ARFGEF1: variants seen among roughly 807,000 people sequenced by gnomAD.
ARFGEF1 encodes ARF guanine nucleotide exchange factor 1.
ARFGEF1 carries 42 observed loss-of-function variants against 231.0 expected under a neutral mutation model. The observed-to-expected ratio is 0.18, with a 90% CI of 0.14 to 0.24. ARFGEF1 has a LOEUF of 0.24. Ranked by LOEUF, ARFGEF1 falls within the 10% of genes least tolerant of loss-of-function variation. ARFGEF1 has a pLI of 1.00. For missense variants in ARFGEF1, 1,345 were observed against 2,192.0 expected (o/e 0.61, Z 7.72); for synonymous variants, 710 against 732.3 (o/e 0.97, Z 0.49).
At chr8:67,200,323 CG>C (rs1461706514) in intron 38 of ARFGEF1, 72 bp downstream of exon 38, 6 of 1,063,906 alleles carry the variant, frequency 5.6e-6, no homozygotes, top group Non-Finnish European at 7.3e-6. Flanking sequence ...TCTTGCACGG[CG>C]GCTCTGGGAC....
At chr8:67,195,492 C>T (rs1287202578), downstream of ARFGEF1, 23 of 1,614,082 alleles carry the variant, frequency 1.4e-5, no homozygotes, top group African/African-American at 2.7e-5. Context: ...TTCAGAAACG[C>T]TGAAACGTTT....
intron 1 of ARFGEF1, among the ~76,000 whole-genome samples, chr8:67,331,129 TAATACA>T (rs1394749661): frequency 1.3e-5 from 2 of 152,178 alleles, no homozygotes; most frequent in African/African-American, 2.4e-5. Context: ...AGTACTATAC[TAATACA>T]AATTGAAAAT....
At chr8:67,333,480 T>G (rs1197719613) in intron 1 of ARFGEF1, among the ~76,000 whole-genome samples, 1 of 151,956 alleles carries the variant, frequency 6.6e-6, no homozygotes, top group Non-Finnish European at 1.5e-5. Context: ...TAATTTTTTT[T>G]TTTTAGTATT....
chr8:67,318,678 A>T (rs926279854), intron 1 of ARFGEF1, among the ~76,000 whole-genome samples: 5 of 152,296 alleles, frequency 3.3e-5, no homozygotes, highest in Non-Finnish European at 5.9e-5. Context: ...CCAAAATTTT[A>T]AAAAAATACT....
intron 19 of ARFGEF1, among the ~76,000 whole-genome samples, 178 bp downstream of exon 19, chr8:67,251,121 T>C (rs373038330): frequency 3.3e-5 from 5 of 152,360 alleles, no homozygotes; most frequent in South Asian, 4.1e-4. Context: ...TCTTGTTCTC[T>C]TTAAGTAATA....
In ARFGEF1 at chr8:67,277,418, C is replaced by T. The variant is rs140569992; in HGVS notation, c.1067G>A (p.Gly356Asp). ...EGTTINASAD[G>D]NIGTIEDGSD... ...ACCATCCTCTATAGTTCCAATGTTG[C>T]CATCTGCACTTGCATTTATAGTAGT... Residue 356 changes from glycine (G) to aspartate (D), a missense_variant, in exon 8 of 39, where the codon GGC (glycine) becomes GAC (aspartate). Gly to Asp is a moderately conservative substitution (Grantham distance 94, BLOSUM62 -1). Transcript: ENST00000262215. The T allele has an allele frequency of 1.2e-6, 2 of 1,613,658 alleles. No individual in the cohort carries two copies. The highest frequency in any genetic ancestry group is 8.5e-7 in the Non-Finnish European group (1 of 1,179,750).
intron 33 of ARFGEF1, among the ~76,000 whole-genome samples, chr8:67,212,282 C>T (rs1284191540): frequency 2.0e-5 from 3 of 152,206 alleles, no homozygotes; most frequent in South Asian, 2.1e-4. Context: ...GGGTTTTCAC[C>T]GTGTTGGTCA....
At position 67,244,263 on chromosome 8, in the gene ARFGEF1, A is replaced by AAAAAAC. The variant is rs1840028927; in HGVS notation, c.2851-3979_2851-3974dup. On this transcript the variant is annotated intron_variant, in intron 19 of 38. Transcript: ENST00000262215. ...ACCTCAAAAAAAAAAAAAAAAAAAA[A>AAAAAAC]AAAAACATTCGACTACTGAGTCTCT... Among the ~76,000 whole-genome samples the AAAAAAC allele has an allele frequency of 1.0e-4, 2 of 20,016 alleles. 1 individual carries two copies. The highest frequency in any genetic ancestry group is 5.6e-4 in the African/African-American group (2 of 3,542). The allele number at this position is 20,016 out of a possible 152,430, so 13.1% of individuals were successfully genotyped here.
chr8:67,331,789 A>G (rs2128933847), intron 1 of ARFGEF1, among the ~76,000 whole-genome samples: 1 of 152,246 alleles, frequency 6.6e-6, no homozygotes, highest in South Asian at 2.1e-4. Context: ...AAAACCAATA[A>G]ATCTAAAGAC....
chr8:67,217,304 C>CAA (rs1388888346), intron 32 of ARFGEF1, among the ~76,000 whole-genome samples: 11 of 83,238 alleles, frequency 1.3e-4, no homozygotes, highest in African/African-American at 1.7e-4. Flanking sequence ...AACTCCATCT[C>CAA]AAAAAAAAAA....
At chr8:67,343,024 G>A in intron 1 of ARFGEF1, 140 bp downstream of exon 1, 4 of 1,008,848 alleles carry the variant, frequency 4.0e-6, no homozygotes, top group Non-Finnish European at 5.7e-6. Context: ...TCCAGACAGG[G>A]AACAGAGGGC....
intron 19 of ARFGEF1, among the ~76,000 whole-genome samples, chr8:67,245,216 A>G (rs560195624): frequency 6.6e-6 from 1 of 150,836 alleles, no homozygotes; most frequent in East Asian, 1.9e-4. Context: ...TCCTGCATGA[A>G]ATGCTAAAGG....
chr8:67,220,040 A>C (rs1839094240), intron 29 of ARFGEF1, among the ~76,000 whole-genome samples: 1 of 152,248 alleles, frequency 6.6e-6, no homozygotes, highest in South Asian at 2.1e-4. Context: ...GGATTTACAA[A>C]AAAAAGCCAC....
intron 34 of ARFGEF1, among the ~76,000 whole-genome samples, chr8:67,209,455 G>A (rs570073874): frequency 1.2e-4 from 18 of 152,320 alleles, no homozygotes; most frequent in Non-Finnish European, 2.1e-4. Flanking sequence ...AACAGTTATG[G>A]GGCTGGGGGG....
chr8:67,180,000 G>A, intron 5 of ARFGEF1: 2 of 779,330 alleles, frequency 2.6e-6, no homozygotes, highest in African/African-American at 1.8e-5. Flanking sequence ...AACCAGTACT[G>A]TATTCCTTGT....
downstream of ARFGEF1, chr8:67,195,837 A>T: frequency 2.2e-6 from 1 of 448,850 alleles, no homozygotes; most frequent in Non-Finnish European, 4.0e-6. Flanking sequence ...GGTGGTAATG[A>T]ACTGGATTGA....
intron 19 of ARFGEF1, among the ~76,000 whole-genome samples, chr8:67,246,306 T>C (rs1840104432): frequency 6.6e-6 from 1 of 150,628 alleles, no homozygotes; most frequent in South Asian, 2.1e-4. Context: ...GGCAGTAGCA[T>C]ACACATTCTT....
At chr8:67,191,999 T>G (rs1038375392) in intron 5 of ARFGEF1, among the ~76,000 whole-genome samples, 2 of 152,174 alleles carry the variant, frequency 1.3e-5, no homozygotes, top group African/African-American at 4.8e-5. Context: ...TGAACATCTT[T>G]TCATGGTTTA....
intron 1 of ARFGEF1, among the ~76,000 whole-genome samples, chr8:67,339,854 AG>A: frequency 7.0e-6 from 1 of 142,458 alleles, no homozygotes; most frequent in South Asian, 2.2e-4. Context: ...GTCTGACATA[AG>A]AAAATTTGAA....
Sources: allele counts gnomAD v4.1 joint callset (sites outside exome capture counted in the v4.1 genomes callset), GRCh38; gene constraint gnomAD v4.1.1; transcripts MANE v1.5; gene names NCBI Gene and HGNC (gene_info 2026-07-23, HGNC 2026-07-21).